The following SPOCK1 variants were observed in gnomAD, a reference collection of about 807,000 sequenced individuals.
The protein encoded by SPOCK1 is SPARC (osteonectin), cwcv and kazal like domains proteoglycan 1.
Under a neutral mutation model 55.3 loss-of-function variants are expected in SPOCK1, and 23 were observed. The observed-to-expected ratio is 0.42, with a 90% CI of 0.30 to 0.59. The LOEUF (loss-of-function observed/expected upper bound fraction) is 0.59, where lower values mean the gene tolerates loss of function less well. Ranked by LOEUF, SPOCK1 falls within the 20% of genes least tolerant of loss-of-function variation. SPOCK1 has a pLI of 0.22. For missense variants in SPOCK1, 499 were observed against 552.5 expected (o/e 0.90, Z 0.97); for synonymous variants, 226 against 221.0 (o/e 1.02, Z -0.20).
intron 3 of SPOCK1, among the ~76,000 whole-genome samples, chr5:137,256,079 G>T (rs1409281838): frequency 1.3e-5 from 2 of 152,148 alleles, no homozygotes; most frequent in African/African-American, 4.8e-5. Flanking sequence ...TCACTCTTGA[G>T]ATCACATGGG....
chr5:137,054,425 CAG>C (rs1223175620), intron 6 of SPOCK1, among the ~76,000 whole-genome samples: 2 of 152,166 alleles, frequency 1.3e-5, no homozygotes, highest in East Asian at 1.9e-4. Context: ...CTTGAAGATA[CAG>C]AGTTAGGCTC....
At chr5:137,244,508 C>G (rs1756357542) in intron 3 of SPOCK1, among the ~76,000 whole-genome samples, 1 of 152,108 alleles carries the variant, frequency 6.6e-6, no homozygotes, top group African/African-American at 2.4e-5. Context: ...TCCAAAAAGC[C>G]ATAATACCAA....
At chr5:137,043,349 A>G (rs1752037503) in intron 6 of SPOCK1, among the ~76,000 whole-genome samples, 1 of 152,208 alleles carries the variant, frequency 6.6e-6, no homozygotes, top group African/African-American at 2.4e-5. Flanking sequence ...TAAATCTCTC[A>G]TGTAAAATAT....
In SPOCK1 at chr5:137,367,277, G is replaced by A. The variant is rs535052403; in HGVS notation, c.187-100222C>T. 7.2e-5 allele frequency among the ~76,000 whole-genome samples: 11 copies of A among 152,238 alleles called. No homozygotes were observed. In the South Asian group the frequency reaches 1.0e-3, roughly 14 times the overall value. ...ATGCATGATTGACAAGAAGAGCCCT[G>A]GTCTGGACTCTCCGTAAGCCTTTAC... is the stretch of plus-strand genomic sequence containing the variant. On this transcript the variant is annotated intron_variant, in intron 2 of 10. Coordinates refer to ENST00000394945, the MANE Select transcript of SPOCK1 (RefSeq NM_004598.4).
chr5:137,261,032 A>G (rs1756734221), intron 3 of SPOCK1, among the ~76,000 whole-genome samples: 1 of 152,180 alleles, frequency 6.6e-6, no homozygotes, highest in African/African-American at 2.4e-5. Context: ...CCAGGAGAAA[A>G]GTATTAAGAT....
At chr5:137,196,347 C>G (rs1338880626) in intron 3 of SPOCK1, among the ~76,000 whole-genome samples, 3 of 152,162 alleles carry the variant, frequency 2.0e-5, no homozygotes, top group Non-Finnish European at 2.9e-5. Context: ...TCTGCATCTG[C>G]CTGAAAACCT....
At chr5:137,004,854 C>A (rs1207253008) in intron 6 of SPOCK1, among the ~76,000 whole-genome samples, 5 of 152,142 alleles carry the variant, frequency 3.3e-5, no homozygotes, top group Non-Finnish European at 7.4e-5. Context: ...AGGCAAAGAG[C>A]TCCTTCTGAA....
chr5:137,377,782 C>G (rs1299584782), intron 2 of SPOCK1, among the ~76,000 whole-genome samples: 2 of 152,048 alleles, frequency 1.3e-5, no homozygotes, highest in African/African-American at 2.4e-5. Context: ...TTGACATTCT[C>G]TACAATGGAC....
intron 2 of SPOCK1, among the ~76,000 whole-genome samples, chr5:137,291,256 C>T (rs1757364421): frequency 6.6e-6 from 1 of 152,218 alleles, no homozygotes; most frequent in Admixed American, 6.5e-5. Flanking sequence ...GGGCACCAAC[C>T]ACATGACAGG....
intron 2 of SPOCK1, among the ~76,000 whole-genome samples, chr5:137,399,442 G>A (rs978985062): frequency 3.3e-5 from 5 of 151,650 alleles, no homozygotes; most frequent in Non-Finnish European, 7.4e-5. Context: ...ATCTGTCAGC[G>A]TTTAATCTAT....
At chr5:136,994,403 C>T (rs73790639) in intron 6 of SPOCK1, among the ~76,000 whole-genome samples, 2,823 of 152,146 alleles carry the variant, frequency 0.019, 58 homozygotes, top group African/African-American at 0.048. Context: ...GACAAGTCAG[C>T]CTCCAGCACC....
chr5:137,138,785 C>G (rs891055774), intron 4 of SPOCK1, among the ~76,000 whole-genome samples: 20 of 151,196 alleles, frequency 1.3e-4, no homozygotes, highest in African/African-American at 4.4e-4. Context: ...GGAATAGGGT[C>G]TCTTGTTTAC....
chr5:137,314,686 G>T (rs1757846082), intron 2 of SPOCK1, among the ~76,000 whole-genome samples: 1 of 152,080 alleles, frequency 6.6e-6, no homozygotes, highest in South Asian at 2.1e-4. Flanking sequence ...TTAGCTATCG[G>T]TTTACTGCCT....
chr5:137,240,756 A>G (rs990071346), intron 3 of SPOCK1, among the ~76,000 whole-genome samples: 1 of 152,082 alleles, frequency 6.6e-6, no homozygotes, highest in African/African-American at 2.4e-5. Flanking sequence ...ATAAAAAAAA[A>G]GAGAGACTCT....
At chr5:137,216,420 T>C (rs974607790) in intron 3 of SPOCK1, among the ~76,000 whole-genome samples, 36 of 152,200 alleles carry the variant, frequency 2.4e-4, no homozygotes, top group African/African-American at 8.0e-4. Context: ...TCAAGGATCA[T>C]AACAGTAAGG....
At chr5:137,346,878 G>A (rs1750568874) in intron 2 of SPOCK1, among the ~76,000 whole-genome samples, 1 of 152,130 alleles carries the variant, frequency 6.6e-6, no homozygotes, top group African/African-American at 2.4e-5. Flanking sequence ...AAATCTACAT[G>A]GTGTATGCCT....
intron 6 of SPOCK1, among the ~76,000 whole-genome samples, chr5:137,031,149 C>A (rs1751771390): frequency 6.6e-6 from 1 of 152,108 alleles, no homozygotes; most frequent in African/African-American, 2.4e-5. Context: ...GACTCTGTAC[C>A]ATTTCCTAAC....
chr5:137,383,586 TG>T (rs1751527042), intron 2 of SPOCK1, among the ~76,000 whole-genome samples: 1 of 152,216 alleles, frequency 6.6e-6, no homozygotes. Context: ...CTAGTTAAGA[TG>T]GAGCTGCAGT....
intron 3 of SPOCK1, among the ~76,000 whole-genome samples, chr5:137,214,613 T>C (rs1278202048): frequency 1.3e-5 from 2 of 152,084 alleles, no homozygotes; most frequent in African/African-American, 4.8e-5. Context: ...TTCAAACCAA[T>C]TGGGATAAAT....
Sources: allele counts gnomAD v4.1 joint callset (sites outside exome capture counted in the v4.1 genomes callset), GRCh38; gene constraint gnomAD v4.1.1; transcripts MANE v1.5; gene names NCBI Gene and HGNC (gene_info 2026-07-23, HGNC 2026-07-21).